The following C2orf80 variants were observed in gnomAD, a reference collection of about 807,000 sequenced individuals.
The protein encoded by C2orf80 is chromosome 2 open reading frame 80.
In C2orf80, 28 loss-of-function variants were observed where a neutral mutation model predicts 30.2. That is an observed-to-expected ratio of 0.93 (90% CI 0.69 to 1.27). C2orf80 has a LOEUF of 1.27. Ranked by LOEUF, C2orf80 falls within the 50% of genes most tolerant of loss-of-function variation. The pLI, the probability that C2orf80 is intolerant of heterozygous loss-of-function variation, is 0.00. For missense variants in C2orf80, 220 were observed against 231.0 expected (o/e 0.95, Z 0.31); for synonymous variants, 80 against 76.4 (o/e 1.05, Z -0.24).
rs1200843333 is a variant in C2orf80 at position 208,165,826 on chromosome 2, A to T, written c.574-11T>A. The T allele has an allele frequency of 1.2e-6, 2 of 1,603,692 alleles. No individual in the cohort carries two copies. Among genetic ancestry groups the T allele is most frequent in the Non-Finnish European group, 1.7e-6 (2 of 1,173,860 alleles). ...AATTTTCTAAGTGACCTGCAGAATA[A>T]AAGATGATTTTGGTATCAAGCACAT... is the stretch of plus-strand genomic sequence containing the variant. On this transcript the variant is annotated splice_polypyrimidine_tract_variant and intron_variant, in intron 8 of 8. Coordinates refer to ENST00000341287, the MANE Select transcript of C2orf80 (RefSeq NM_001099334.3).
chr2:208,174,552 T>C (rs1696215936), intron 6 of C2orf80, among the ~76,000 whole-genome samples: 1 of 152,204 alleles, frequency 6.6e-6, no homozygotes, highest in Non-Finnish European at 1.5e-5. Flanking sequence ...ATACGTGCAG[T>C]CTCACTGAGT....
intron 6 of C2orf80, among the ~76,000 whole-genome samples, chr2:208,176,953 C>CATATA (rs1559340548): frequency 5.9e-4 from 3 of 5,120 alleles, no homozygotes; most frequent in African/African-American, 8.4e-4. Flanking sequence ...GTATACATAT[C>CATATA]TGTATACATA....
intron 2 of C2orf80, 64 bp from the exon 3 acceptor site, chr2:208,185,096 CTT>C (rs878950748): frequency 1.2e-5 from 13 of 1,099,978 alleles, no homozygotes; most frequent in South Asian, 3.1e-5. Context: ...CAGAAAAAGG[CTT>C]TTTTTTTTCC....
rs934933859 is a variant in C2orf80, at chr2:208,171,020, G to C, written c.498C>G (p.Ser166Arg). The change falls in exon 8 of 9, where the codon AGC (serine) becomes AGG (arginine). Residue 166 changes from serine (S) to arginine (R), a missense_variant. By Grantham distance (110) the Ser-to-Arg change is moderately radical. Coordinates refer to ENST00000341287, the MANE Select transcript of C2orf80 (RefSeq NM_001099334.3). ...RKVTTNKNAT[S>R]ISAKEANATE... ...TGGCATTTGCTTCCTTTGCAGAGAT[G>C]CTGGTGGCATTTTTATTTGTTGTTA... 8 of 1,614,022 alleles carry C rather than the reference G, an allele frequency of 5.0e-6. No individual in the cohort carries two copies. The African/African-American group carries it at 9.3e-5, about 19-fold the overall frequency.
chr2:208,178,699 A>G (rs939355757), intron 6 of C2orf80, among the ~76,000 whole-genome samples: 21 of 152,130 alleles, frequency 1.4e-4, no homozygotes, highest in Non-Finnish European at 2.8e-4. Flanking sequence ...GGATCGCTTG[A>G]GCCCAGGAGT....
chr2:208,179,856 T>C lies in C2orf80; in HGVS notation c.366+889A>G, dbSNP rs140600902. 2.9e-4 allele frequency among the ~76,000 whole-genome samples: 44 copies of C among 152,256 alleles called. No homozygotes were observed. The East Asian group carries it at 7.3e-3, about 25-fold the overall frequency. The stretch of plus-strand genomic sequence containing the variant: ...TGTTAATGATTTCAAAGTAGTTTCA[T>C]GGGAGGAGCTGAGAGTGGAGCTCAC... On this transcript the variant is annotated intron_variant, in intron 6 of 8. Transcript: ENST00000341287.
In C2orf80 at chr2:208,165,474, C is replaced by G. The variant is rs902915326; in HGVS notation, c.*333G>C. 8.9e-6 allele frequency: 2 copies of G among 224,490 alleles called. No individual in the cohort carries two copies. The highest frequency in any genetic ancestry group is 4.6e-5 in the African/African-American group (2 of 43,786). The allele number at this position is 224,490 out of a possible 1,614,324, so 13.9% of individuals were successfully genotyped here. A position where few individuals can be genotyped will look rare whatever the true frequency, so the allele number is the denominator to read the frequency against. On this transcript the variant is annotated 3_prime_UTR_variant, in exon 9 of 9. Coordinates refer to ENST00000341287, the MANE Select transcript of C2orf80 (RefSeq NM_001099334.3). ...TTTGGAAATCTGCCTCCCACTCCATCACTGTGCAATATTCAATGCCACACA... is the reference window on the plus strand; with the variant it reads ...TTTGGAAATCTGCCTCCCACTCCATGACTGTGCAATATTCAATGCCACACA...
At chr2:208,175,584 C>T (rs1266582357) in intron 6 of C2orf80, among the ~76,000 whole-genome samples, 1 of 152,054 alleles carries the variant, frequency 6.6e-6, no homozygotes, top group Non-Finnish European at 1.5e-5. Context: ...GCGGCCAATT[C>T]CAGTTGCAGG....
rs1311266247 is a variant in C2orf80, at chr2:208,184,966, G to C, written c.108C>G (p.Thr36=). The part of the protein sequence containing the change: ...EFDPKGRRQL[T]FLDDMAHYDL... ...CTTTCTTTACCATATCATCTAGAAAGGTGAGTTGCCGTCTTCCTTTTGGGT... is the reference window on the plus strand; with the variant it reads ...CTTTCTTTACCATATCATCTAGAAACGTGAGTTGCCGTCTTCCTTTTGGGT... Residue 36 remains threonine, a synonymous_variant, in exon 3 of 9, where the codon ACC becomes ACG. Transcript: ENST00000341287. 1.2e-6 allele frequency: 2 copies of C among 1,613,518 alleles called. No homozygotes were observed. The highest frequency in any genetic ancestry group is 3.3e-5 in the Admixed American group (2 of 59,984).
intron 6 of C2orf80, among the ~76,000 whole-genome samples, chr2:208,172,743 A>T (rs1386939122): frequency 2.0e-5 from 3 of 152,236 alleles, no homozygotes. Flanking sequence ...GAAGATGCTT[A>T]TACCCATGGC....
chr2:208,166,569 A>C (rs1695898769), intron 8 of C2orf80, among the ~76,000 whole-genome samples: 1 of 152,082 alleles, frequency 6.6e-6, no homozygotes, highest in Non-Finnish European at 1.5e-5. Context: ...TCCTCTCTCT[A>C]TGTCTCATTT....
chr2:208,179,437 C>T (rs1357026313), intron 6 of C2orf80, among the ~76,000 whole-genome samples: 1 of 152,206 alleles, frequency 6.6e-6, no homozygotes, highest in Non-Finnish European at 1.5e-5. Flanking sequence ...CCTGCCCTCC[C>T]TTCTGAATCC....
chr2:208,186,894 A>C, intron 2 of C2orf80, 52 bp downstream of exon 2: 1 of 1,513,682 alleles, frequency 6.6e-7, no homozygotes, highest in Non-Finnish European at 9.2e-7. Flanking sequence ...ATGACATGAA[A>C]TCCACCGAAT....
At position 208,185,083 on chromosome 2, in the gene C2orf80, C is replaced by G. The variant is rs763904562; in HGVS notation, c.42-51G>C. Reference sequence around the variant, plus strand: ...ACCATTGGAGTGACACGGGCTCAGTCTGCAGAAAAAGGCTTTTTTTTTTCC... The same window carrying G: ...ACCATTGGAGTGACACGGGCTCAGTGTGCAGAAAAAGGCTTTTTTTTTTCC... On this transcript the variant is annotated intron_variant, in intron 2 of 8. Coordinates refer to ENST00000341287, the MANE Select transcript of C2orf80 (RefSeq NM_001099334.3). 12 of 1,442,838 alleles carry G rather than the reference C, an allele frequency of 8.3e-6. 1 individual carries two copies. The highest frequency in any genetic ancestry group is 1.2e-5 in the Non-Finnish European group (12 of 1,040,966). The allele number at this position is 1,442,838 out of a possible 1,614,324, so 89.4% of individuals were successfully genotyped here. A position where few individuals can be genotyped will look rare whatever the true frequency, so the allele number is the denominator to read the frequency against.
At chr2:208,189,277 G>A (rs967120984) in intron 1 of C2orf80, among the ~76,000 whole-genome samples, 3 of 152,138 alleles carry the variant, frequency 2.0e-5, no homozygotes, top group Admixed American at 6.5e-5. Context: ...TATAATATTT[G>A]CATTGCTTCG....
chr2:208,187,475 T>C (rs7563237), intron 1 of C2orf80, among the ~76,000 whole-genome samples: 3,240 of 151,648 alleles, frequency 0.021, 107 homozygotes, highest in African/African-American at 0.073. Context: ...AATGGAGTTT[T>C]CCATAGAATC....
rs190466676 is a variant in C2orf80, at chr2:208,185,907, G to A, written c.42-875C>T. ...TTCCAATTATTTGGATGAGATATGT[G>A]GAAGAGTTGGCATTCCTGATCATGG... is the stretch of plus-strand genomic sequence containing the variant. On this transcript the variant is annotated intron_variant, in intron 2 of 8. Transcript: ENST00000341287. Among the ~76,000 whole-genome samples the A allele has an allele frequency of 1.1e-3, 165 of 152,252 alleles. 2 individuals carry two copies. The highest frequency in any genetic ancestry group is 3.9e-3 in the African/African-American group (161 of 41,552).
intron 3 of C2orf80, 97 bp downstream of exon 3, chr2:208,184,854 A>G: frequency 1.1e-6 from 1 of 949,176 alleles, no homozygotes; most frequent in Non-Finnish European, 1.6e-6. Context: ...ATGGGTGTCA[A>G]TATTAGCCTT....
At position 208,189,977 on chromosome 2, in the gene C2orf80, T is replaced by G. The variant is rs1395826918; in HGVS notation, c.-100A>C. On this transcript the variant is annotated 5_prime_UTR_variant, in exon 1 of 9. Coordinates refer to ENST00000341287, the MANE Select transcript of C2orf80 (RefSeq NM_001099334.3). Reference sequence around the variant, plus strand: ...CCAACCGGAGACCGGTTCCAGTGCTTTTGTTCTTTCTCTGCTTCTGGAGGC... The same window carrying G: ...CCAACCGGAGACCGGTTCCAGTGCTGTTGTTCTTTCTCTGCTTCTGGAGGC... The G allele has an allele frequency of 5.7e-6, 4 of 702,918 alleles. No individual in the cohort carries two copies. The highest frequency in any genetic ancestry group is 2.0e-5 in the Admixed American group (1 of 49,988). The allele number at this position is 702,918 out of a possible 1,614,324, so 43.5% of individuals were successfully genotyped here. A position where few individuals can be genotyped will look rare whatever the true frequency, so the allele number is the denominator to read the frequency against.
Sources: allele counts gnomAD v4.1 joint callset (sites outside exome capture counted in the v4.1 genomes callset), GRCh38; gene constraint gnomAD v4.1.1; transcripts MANE v1.5; gene names NCBI Gene and HGNC (gene_info 2026-07-23, HGNC 2026-07-21).